GPC5: variants seen among roughly 807,000 people sequenced by gnomAD.
GPC5 encodes glypican 5.
Under a neutral mutation model 53.9 loss-of-function variants are expected in GPC5, and 47 were observed. That is an observed-to-expected ratio of 0.87 (90% CI 0.69 to 1.11). GPC5 has a LOEUF of 1.11. Ranked by LOEUF, GPC5 falls within the 50% of genes most tolerant of loss-of-function variation. GPC5 has a pLI of 0.00. For missense variants in GPC5, 748 were observed against 713.1 expected, an observed-to-expected ratio of 1.05 and a Z score of -0.56; for synonymous variants, 286 against 263.3, an observed-to-expected ratio of 1.09 and a Z score of -0.84.
At chr13:92,627,158 C>A (rs1885072195) in intron 7 of GPC5, among the ~76,000 whole-genome samples, 1 of 152,128 alleles carries the variant, frequency 6.6e-6, no homozygotes, top group Non-Finnish European at 1.5e-5. Context: ...TGCCATAGAG[C>A]CAAACCTGTA....
chr13:92,724,397 G>A (rs909195432), intron 7 of GPC5, among the ~76,000 whole-genome samples: 2 of 151,540 alleles, frequency 1.3e-5, no homozygotes, highest in African/African-American at 2.4e-5. Flanking sequence ...ATACATGTTA[G>A]AATGCATATT....
intron 7 of GPC5, among the ~76,000 whole-genome samples, chr13:92,248,000 A>T (rs904173993): frequency 3.3e-5 from 5 of 152,132 alleles, no homozygotes; most frequent in African/African-American, 1.2e-4. Flanking sequence ...CATAAACATG[A>T]TAAATAACAC....
At chr13:92,549,914 C>T (rs1882252557) in intron 7 of GPC5, among the ~76,000 whole-genome samples, 1 of 146,016 alleles carries the variant, frequency 6.8e-6, no homozygotes, top group African/African-American at 2.7e-5. Flanking sequence ...CACACACACA[C>T]ACACACAATT....
chr13:91,964,640 T>A (rs1007738084), intron 6 of GPC5, among the ~76,000 whole-genome samples: 7 of 152,130 alleles, frequency 4.6e-5, no homozygotes, highest in Non-Finnish European at 8.8e-5. Flanking sequence ...TTTATAATCC[T>A]TTAGCTAGAC....
rs565167807 is a variant in GPC5 at position 92,457,128 on chromosome 13, C to T, written c.1561+312139C>T. Among the ~76,000 whole-genome samples, 4 of 152,154 alleles carry T rather than the reference C, an allele frequency of 2.6e-5. No individual in the cohort carries two copies. In the South Asian group the frequency reaches 8.3e-4, roughly 32 times the overall value. ...TTGGTTTTCTGTTTCTGCATTAGTT[C>T]ACTGTTAATGGCCTCCAGCTGCATC... is the stretch of plus-strand genomic sequence containing the variant. On this transcript the variant is annotated intron_variant, in intron 7 of 7. Coordinates refer to ENST00000377067, the MANE Select transcript of GPC5 (RefSeq NM_004466.6).
intron 7 of GPC5, among the ~76,000 whole-genome samples, chr13:92,781,523 A>G (rs1325307040): frequency 6.6e-6 from 1 of 152,104 alleles, no homozygotes; most frequent in Non-Finnish European, 1.5e-5. Context: ...TCTAGATAAT[A>G]TGGGGGAGCT....
chr13:92,794,107 C>A (rs1341180547), intron 7 of GPC5, among the ~76,000 whole-genome samples: 1 of 152,034 alleles, frequency 6.6e-6, no homozygotes, highest in Admixed American at 6.6e-5. Flanking sequence ...ACTAATAACC[C>A]TGATGAACAA....
In GPC5 at chr13:92,224,753, T is replaced by C. The variant is rs191130589; in HGVS notation, c.1561+79764T>C. ...TCCCTTGTAGATAATATTTCACACA[T>C]GTTGTCCAAATTCGAGTGCTGGAGG... On this transcript the variant is annotated intron_variant, in intron 7 of 7. Coordinates refer to ENST00000377067, the MANE Select transcript of GPC5 (RefSeq NM_004466.6). Among the ~76,000 whole-genome samples the C allele has an allele frequency of 2.5e-3, 374 of 152,348 alleles. 2 individuals are homozygous for C. Among genetic ancestry groups the C allele is most frequent in the Non-Finnish European group, 4.2e-3 (287 of 68,040 alleles).
intron 2 of GPC5, among the ~76,000 whole-genome samples, chr13:91,458,217 A>G (rs1045813866): frequency 2.0e-5 from 3 of 152,086 alleles, no homozygotes; most frequent in African/African-American, 7.2e-5. Context: ...TGTCAGAGGA[A>G]TAGCAGCAAG....
chr13:92,417,614 T>G (rs1393316034), intron 7 of GPC5, among the ~76,000 whole-genome samples: 1 of 152,186 alleles, frequency 6.6e-6, no homozygotes, highest in East Asian at 1.9e-4. Context: ...GGCTCATGGT[T>G]GTAGTCCCAG....
intron 7 of GPC5, among the ~76,000 whole-genome samples, chr13:92,535,460 T>C (rs1182063253): frequency 6.6e-6 from 1 of 152,012 alleles, no homozygotes; most frequent in Non-Finnish European, 1.5e-5. Context: ...TAGTGGTTTA[T>C]ATAGAGGGAA....
intron 2 of GPC5, among the ~76,000 whole-genome samples, chr13:91,664,173 ATAACTC>A (rs2035050661): frequency 6.6e-6 from 1 of 152,244 alleles, no homozygotes; most frequent in South Asian, 2.1e-4. Flanking sequence ...AATACAGTAT[ATAACTC>A]TATGACTTTT....
chr13:92,805,864 T>A (rs1423189326), intron 7 of GPC5, among the ~76,000 whole-genome samples: 1 of 152,016 alleles, frequency 6.6e-6, no homozygotes, highest in Admixed American at 6.6e-5. Flanking sequence ...GCAGAGTAAA[T>A]TTAGCATAAT....
chr13:91,986,347 C>T (rs1045430599), intron 6 of GPC5, among the ~76,000 whole-genome samples: 1 of 152,030 alleles, frequency 6.6e-6, no homozygotes, highest in Non-Finnish European at 1.5e-5. Context: ...TTACAGGCGT[C>T]AGCCACCACG....
chr13:91,869,610 C>G (rs1224119684), intron 5 of GPC5, among the ~76,000 whole-genome samples: 12 of 152,102 alleles, frequency 7.9e-5, no homozygotes, highest in Admixed American at 7.9e-4. Context: ...GCCTCTTTAT[C>G]TAAACAATGA....
intron 6 of GPC5, among the ~76,000 whole-genome samples, chr13:92,126,589 A>T (rs1340781047): frequency 6.6e-6 from 1 of 152,208 alleles, no homozygotes; most frequent in Admixed American, 6.5e-5. Context: ...TTATTGGGAC[A>T]CAGCCATGCT....
chr13:91,751,163 A>G (rs775718514), intron 4 of GPC5, among the ~76,000 whole-genome samples: 2 of 152,100 alleles, frequency 1.3e-5, no homozygotes, highest in Non-Finnish European at 2.9e-5. Flanking sequence ...CCAAAGTAGG[A>G]TCTCCCCCCA....
At chr13:92,137,795 T>A (rs1000714685) in intron 6 of GPC5, among the ~76,000 whole-genome samples, 5 of 152,188 alleles carry the variant, frequency 3.3e-5, no homozygotes, top group African/African-American at 7.2e-5. Flanking sequence ...CAGCTCCAGA[T>A]AAATATTCGT....
chr13:92,611,981 T>G (rs1884453352), intron 7 of GPC5, among the ~76,000 whole-genome samples: 1 of 152,126 alleles, frequency 6.6e-6, no homozygotes, highest in Non-Finnish European at 1.5e-5. Flanking sequence ...GGGAGAATAT[T>G]TTTAGCTCAG....
Sources: gnomAD v4.1 joint callset for allele counts (sites outside exome capture counted in the v4.1 genomes callset) on GRCh38, gnomAD v4.1.1 for gene constraint, MANE v1.5 for transcripts, NCBI Gene and HGNC (gene_info 2026-07-23, HGNC 2026-07-21) for gene names.